RTTN: variants seen among roughly 807,000 people sequenced by gnomAD.
The protein encoded by RTTN is rotatin.
Under a neutral mutation model 269.2 loss-of-function variants are expected in RTTN, and 182 were observed. The observed-to-expected ratio is 0.68, with a 90% CI of 0.60 to 0.76. The LOEUF (loss-of-function observed/expected upper bound fraction) is 0.76, where lower values mean the gene tolerates loss of function less well. Ranked by LOEUF, RTTN falls within the 30% of genes least tolerant of loss-of-function variation. RTTN has a pLI of 0.00. For synonymous variants in RTTN, 1,006 were observed against 963.5 expected, an observed-to-expected ratio of 1.04 and a Z score of -0.82; for missense variants, 2,545 against 2,608.6, an observed-to-expected ratio of 0.98 and a Z score of 0.53.
At chr18:70,186,024 C>A (rs2061536074) in intron 10 of RTTN, among the ~76,000 whole-genome samples, 1 of 135,560 alleles carries the variant, frequency 7.4e-6, no homozygotes, top group African/African-American at 2.8e-5. Context: ...TAGGGAAATG[C>A]AAATTAAAAC....
At chr18:70,056,784 C>T (rs547021954) in intron 37 of RTTN, among the ~76,000 whole-genome samples, 2 of 152,312 alleles carry the variant, frequency 1.3e-5, no homozygotes, top group South Asian at 4.1e-4. Flanking sequence ...ATAGCCCTAC[C>T]CTTCCAACTC....
At chr18:70,062,460 G>A (rs908746370) in intron 35 of RTTN, among the ~76,000 whole-genome samples, 4 of 151,854 alleles carry the variant, frequency 2.6e-5, no homozygotes, top group Admixed American at 2.0e-4. Flanking sequence ...ATAGATACAC[G>A]TATTTTAAAT....
chr18:70,126,160 A>C (rs1005713528), intron 25 of RTTN, among the ~76,000 whole-genome samples: 1 of 152,100 alleles, frequency 6.6e-6, no homozygotes, highest in Non-Finnish European at 1.5e-5. Context: ...GGGCAATTTG[A>C]AATACTCTAA....
chr18:70,070,860 G>A (rs879141196), intron 34 of RTTN, among the ~76,000 whole-genome samples: 1 of 152,126 alleles, frequency 6.6e-6, no homozygotes, highest in Admixed American at 6.6e-5. Flanking sequence ...TTTGTTAAGT[G>A]GTCACTGAAT....
At chr18:70,192,727 T>C (rs1227435364) in intron 8 of RTTN, among the ~76,000 whole-genome samples, 1 of 151,360 alleles carries the variant, frequency 6.6e-6, no homozygotes, top group African/African-American at 2.4e-5. Context: ...ATACCATAAA[T>C]TGTTCACCTT....
At chr18:70,047,023 T>C (rs1355662284) in intron 40 of RTTN, among the ~76,000 whole-genome samples, 2 of 152,234 alleles carry the variant, frequency 1.3e-5, no homozygotes, top group Admixed American at 1.3e-4. Flanking sequence ...TGCATGATCA[T>C]GACTCTCACA....
intron 14 of RTTN, among the ~76,000 whole-genome samples, chr18:70,156,341 G>A (rs377266043): frequency 5.3e-5 from 8 of 152,096 alleles, no homozygotes; most frequent in African/African-American, 1.4e-4. Flanking sequence ...CTCCCATAGC[G>A]CTCCCAGGCT....
At chr18:70,127,820 C>T in intron 24 of RTTN, 79 bp from the exon 25 acceptor site, 2 of 1,283,516 alleles carry the variant, frequency 1.6e-6, no homozygotes, top group South Asian at 3.1e-5. Flanking sequence ...ATTATAAACT[C>T]TCCCAAAAGC....
chr18:70,193,646 C>T (rs532467006), intron 7 of RTTN, among the ~76,000 whole-genome samples, 193 bp from the exon 8 acceptor site: 195 of 152,248 alleles, frequency 1.3e-3, no homozygotes, highest in Middle Eastern at 3.4e-3. Flanking sequence ...TTATATCTAA[C>T]TGACTTGATT....
At chr18:70,117,733 T>C (rs540527577) in intron 26 of RTTN, among the ~76,000 whole-genome samples, 1 of 152,132 alleles carries the variant, frequency 6.6e-6, no homozygotes, top group East Asian at 1.9e-4. Context: ...AGTACATGTA[T>C]GGTGTTACAA....
chr18:70,172,295 T>C (rs981065173), intron 11 of RTTN, among the ~76,000 whole-genome samples: 5 of 152,144 alleles, frequency 3.3e-5, no homozygotes, highest in African/African-American at 9.7e-5. Flanking sequence ...AATCTCTACA[T>C]AGATTCATAT....
At chr18:70,122,834 G>A (rs370247615) in intron 25 of RTTN, among the ~76,000 whole-genome samples, 1 of 151,976 alleles carries the variant, frequency 6.6e-6, no homozygotes, top group Admixed American at 6.6e-5. Flanking sequence ...TAGATCTTTG[G>A]GAGATTTATG....
chr18:70,048,536 G>A (rs541312064), intron 39 of RTTN, among the ~76,000 whole-genome samples: 3 of 152,130 alleles, frequency 2.0e-5, no homozygotes, highest in Non-Finnish European at 4.4e-5. Context: ...AACTGATTTT[G>A]TTTAATCAAA....
At chr18:70,030,485 T>C (rs2056981388) in intron 41 of RTTN, among the ~76,000 whole-genome samples, 1 of 152,226 alleles carries the variant, frequency 6.6e-6, no homozygotes, top group South Asian at 2.1e-4. Context: ...GGGAAATTTA[T>C]ACGAAAATAT....
intron 19 of RTTN, among the ~76,000 whole-genome samples, chr18:70,141,450 A>G (rs2145724386): frequency 6.6e-6 from 1 of 152,354 alleles, no homozygotes; most frequent in African/African-American, 2.4e-5. Context: ...GCCATAAAAA[A>G]GGATGAGTTC....
chr18:70,047,836 A>G, intron 40 of RTTN, 135 bp downstream of exon 40: 2 of 706,138 alleles, frequency 2.8e-6, no homozygotes, highest in Non-Finnish European at 4.6e-6. Flanking sequence ...AAACTTTTGT[A>G]TCATTTAAAC....
chr18:70,167,550 C>T (rs1017648898), intron 12 of RTTN, among the ~76,000 whole-genome samples: 1 of 151,958 alleles, frequency 6.6e-6, no homozygotes, highest in Non-Finnish European at 1.5e-5. Context: ...GGCGAAACCC[C>T]GTCTCTACTA....
chr18:70,098,729 G>T (rs570908266), intron 28 of RTTN, among the ~76,000 whole-genome samples: 1 of 151,956 alleles, frequency 6.6e-6, no homozygotes, highest in East Asian at 1.9e-4. Context: ...GTGCCATGTT[G>T]GTGTGCTGCA....
chr18:70,087,992 C>T lies in RTTN; in HGVS notation c.4299G>A (p.Arg1433=), dbSNP rs774420158. 15 of 1,611,918 alleles carry T rather than the reference C, an allele frequency of 9.3e-6. 1 individual carries two copies. The South Asian group carries it at 1.7e-4, about 18-fold the overall frequency. The change falls in exon 31 of 49, where the codon CGG becomes CGA. Residue 1433 remains arginine, a synonymous_variant. Coordinates refer to ENST00000640769, the MANE Select transcript of RTTN (RefSeq NM_173630.4). ...LDQSECSMVR[R]EAAFILQNLL... ...AAAGGAGAAAAGACAGACATACCTC[C>T]CGGCGCACCATACTACATTCTGACT...
Sources: allele counts gnomAD v4.1 joint callset (sites outside exome capture counted in the v4.1 genomes callset), GRCh38; gene constraint gnomAD v4.1.1; transcripts MANE v1.5; gene names NCBI Gene and HGNC (gene_info 2026-07-23, HGNC 2026-07-21).